MAP2K1: variants seen among roughly 807,000 people sequenced by gnomAD.
MAP2K1 encodes the protein dual specificity mitogen-activated protein kinase kinase 1.
Under a neutral mutation model 46.3 loss-of-function variants are expected in MAP2K1, and 16 were observed. The observed-to-expected ratio is 0.35, with a 90% CI of 0.23 to 0.52. MAP2K1 has a LOEUF of 0.52. Among genes scored for constraint, MAP2K1 ranks in the 20% least tolerant of loss-of-function variants. The pLI, the probability that MAP2K1 is intolerant of heterozygous loss-of-function variation, is 0.94. For synonymous variants in MAP2K1, 183 were observed against 185.6 expected, an observed-to-expected ratio of 0.99 and a Z score of 0.11; for missense variants, 263 against 497.1, an observed-to-expected ratio of 0.53 and a Z score of 4.48.
At position 66,487,221 on chromosome 15, in the gene MAP2K1, T is replaced by C. The variant is rs772786705; in HGVS notation, c.896-7T>C. The C allele has an allele frequency of 1.1e-5, 17 of 1,613,358 alleles. No individual in the cohort carries two copies. The highest frequency in any genetic ancestry group is 2.5e-6 in the Non-Finnish European group (3 of 1,179,378). ...AGAAGTATTTTTTCTTTTTATAAAA[T>C]TTGTAGCATACGGAATGGACAGCCG... On this transcript the variant is annotated splice_region_variant and splice_polypyrimidine_tract_variant and intron_variant, in intron 7 of 10. Transcript: ENST00000307102.
chr15:66,396,609 T>C (rs2093368260), intron 1 of MAP2K1, among the ~76,000 whole-genome samples: 1 of 152,002 alleles, frequency 6.6e-6, no homozygotes, highest in African/African-American at 2.4e-5. Flanking sequence ...ATAAAGCTTA[T>C]CTCCAATGTG....
intron 5 of MAP2K1, among the ~76,000 whole-genome samples, chr15:66,448,567 A>G (rs978119547): frequency 4.6e-5 from 7 of 152,210 alleles, no homozygotes; most frequent in African/African-American, 1.4e-4. Flanking sequence ...TTTCCAGGGA[A>G]AATTTCTCAA....
At chr15:66,399,366 T>C (rs916293658) in intron 1 of MAP2K1, among the ~76,000 whole-genome samples, 1 of 152,370 alleles carries the variant, frequency 6.6e-6, no homozygotes, top group East Asian at 1.9e-4. Flanking sequence ...TAATATTTGC[T>C]CTTTCCCATC....
In MAP2K1 at chr15:66,387,344, C is replaced by CA; in HGVS notation, c.1dup. ...GAGTTGGAAGCGCGTTACCCGGGTCCAAAATGCCCAAGAAGAAGCCGACGC... is the reference window on the plus strand; with the variant it reads ...GAGTTGGAAGCGCGTTACCCGGGTCCAAAAATGCCCAAGAAGAAGCCGACGC... On this transcript the variant is annotated 5_prime_UTR_variant, in exon 1 of 11. Transcript: ENST00000307102. 4 of 1,558,724 alleles carry CA rather than the reference C, an allele frequency of 2.6e-6. No homozygotes were observed. Among genetic ancestry groups the CA allele is most frequent in the Non-Finnish European group, 3.5e-6 (4 of 1,150,698 alleles).
In MAP2K1 at chr15:66,454,894, A is replaced by AT. The variant is rs1247089913; in HGVS notation, c.568+10187_568+10188insT. ...TGAGACTCTGTCTCGAAAAAAAAAA[A>AT]CAAAAAAAGAAGGATCCAAGGGAAG... On this transcript the variant is annotated intron_variant, in intron 5 of 10. Coordinates refer to ENST00000307102, the MANE Select transcript of MAP2K1 (RefSeq NM_002755.4). Among the ~76,000 whole-genome samples the AT allele has an allele frequency of 1.1e-4, 16 of 151,872 alleles. No individual in the cohort carries two copies. The East Asian group carries it at 2.7e-3, about 26-fold the overall frequency.
chr15:66,471,425 A>G (rs1366690157), intron 5 of MAP2K1, among the ~76,000 whole-genome samples: 2 of 152,186 alleles, frequency 1.3e-5, no homozygotes, highest in Non-Finnish European at 2.9e-5. Flanking sequence ...AGTCAAGGAA[A>G]GGCTCAGAGA....
intron 5 of MAP2K1, among the ~76,000 whole-genome samples, chr15:66,463,745 AAGT>A (rs1892390299): frequency 6.6e-6 from 1 of 152,216 alleles, no homozygotes; most frequent in Admixed American, 6.5e-5. Flanking sequence ...TGGCCTCCCA[AAGT>A]GCTGGGATTA....
intron 5 of MAP2K1, among the ~76,000 whole-genome samples, chr15:66,462,076 T>C (rs949059794): frequency 3.9e-5 from 6 of 152,132 alleles, no homozygotes; most frequent in African/African-American, 7.2e-5. Flanking sequence ...TGAGTCCTAG[T>C]TGGAAAAGCA....
rs180792139 is a variant in MAP2K1, at chr15:66,426,218, G to A, written c.81-8809G>A. Among the ~76,000 whole-genome samples the A allele has an allele frequency of 8.4e-4, 127 of 150,704 alleles. 2 individuals carry two copies. The highest frequency in any genetic ancestry group is 6.8e-4 in the Non-Finnish European group (46 of 67,806). ...TAAAAGAATGGCTGCTCCATAGGCA[G>A]AGAGCAGCCCAGTAATCTTAAAATA... On this transcript the variant is annotated intron_variant, in intron 1 of 10. Coordinates refer to ENST00000307102, the MANE Select transcript of MAP2K1 (RefSeq NM_002755.4).
chr15:66,467,583 C>A (rs1892499391), intron 5 of MAP2K1, among the ~76,000 whole-genome samples: 1 of 151,628 alleles, frequency 6.6e-6, no homozygotes, highest in South Asian at 2.1e-4. Flanking sequence ...TTTTTTTAAA[C>A]AAAGTCTGGC....
At chr15:66,411,930 G>A (rs1416414339) in intron 1 of MAP2K1, among the ~76,000 whole-genome samples, 3 of 152,160 alleles carry the variant, frequency 2.0e-5, no homozygotes, top group African/African-American at 7.2e-5. Context: ...CTTGCCCATG[G>A]TTAGATGACC....
At chr15:66,441,734 T>TA (rs1215919437) in intron 3 of MAP2K1, among the ~76,000 whole-genome samples, 1 of 147,148 alleles carries the variant, frequency 6.8e-6, no homozygotes, top group African/African-American at 2.5e-5. Context: ...ATCTTTATCT[T>TA]AAAGGTTTAA....
At chr15:66,462,958 C>T (rs1043857446) in intron 5 of MAP2K1, among the ~76,000 whole-genome samples, 3 of 152,326 alleles carry the variant, frequency 2.0e-5, no homozygotes, top group South Asian at 2.1e-4. Flanking sequence ...ATTCTGCGTG[C>T]TTTGCACTTG....
intron 1 of MAP2K1, among the ~76,000 whole-genome samples, chr15:66,404,708 G>T (rs1227241680): frequency 3.3e-5 from 5 of 152,208 alleles, no homozygotes; most frequent in African/African-American, 1.2e-4. Context: ...CAAAGAATCA[G>T]CTTGATATGC....
intron 1 of MAP2K1, chr15:66,414,796 T>TTC: frequency 1.4e-5 from 3 of 219,678 alleles, no homozygotes; most frequent in Non-Finnish European, 2.7e-5. Context: ...TTTTTTTTTT[T>TTC]CCCCCAGTCA....
At chr15:66,490,116 G>T (rs762613080) in intron 10 of MAP2K1, 2 of 519,562 alleles carry the variant, frequency 3.8e-6, no homozygotes, top group Non-Finnish European at 7.0e-6. Context: ...CTGCTGTCTC[G>T]TTTGGTGGCA....
chr15:66,449,572 A>G (rs1379278014), intron 5 of MAP2K1, among the ~76,000 whole-genome samples: 1 of 152,146 alleles, frequency 6.6e-6, no homozygotes, highest in Non-Finnish European at 1.5e-5. Context: ...AAATGCATGA[A>G]AGTATACACT....
chr15:66,416,379 C>T (rs1286075068), intron 1 of MAP2K1, among the ~76,000 whole-genome samples: 3 of 151,988 alleles, frequency 2.0e-5, no homozygotes, highest in African/African-American at 7.3e-5. Context: ...CCCACCCACA[C>T]ACCCACCTTT....
chr15:66,443,446 T>A, intron 4 of MAP2K1, 89 bp downstream of exon 4: 1 of 833,486 alleles, frequency 1.2e-6, no homozygotes, highest in South Asian at 1.4e-5. Context: ...AGATGGGAAG[T>A]CAATGAGGGG....
Sources: gnomAD v4.1 joint callset for allele counts (sites outside exome capture counted in the v4.1 genomes callset) on GRCh38, gnomAD v4.1.1 for gene constraint, MANE v1.5 for transcripts, NCBI Gene and HGNC (gene_info 2026-07-23, HGNC 2026-07-21) for gene names.